Variants in C1QTNF3 observed in about 807,000 individuals in gnomAD.
The protein encoded by C1QTNF3 is complement C1q tumor necrosis factor-related protein 3.
A neutral mutation model predicts 32.6 loss-of-function variants in C1QTNF3; 26 were observed. The ratio of observed to expected loss-of-function variants is 0.80; its 90% CI spans 0.58 to 1.11. The LOEUF (loss-of-function observed/expected upper bound fraction) is 1.11. C1QTNF3 is among the 50% of genes least tolerant of loss of function. The pLI is 0.00. For synonymous variants in C1QTNF3, 155 were observed against 146.0 expected, an observed-to-expected ratio of 1.06 and a Z score of -0.44; for missense variants, 362 against 398.2, an observed-to-expected ratio of 0.91 and a Z score of 0.77.
intron 5 of C1QTNF3, among the ~76,000 whole-genome samples, chr5:34,021,594 G>A (rs866397520): frequency 2.6e-5 from 4 of 152,182 alleles, no homozygotes; most frequent in African/African-American, 7.2e-5. Context: ...AAAAGAATGA[G>A]TTCATGCCCT....
intron 1 of C1QTNF3, among the ~76,000 whole-genome samples, chr5:34,038,781 T>C (rs1754801943): frequency 6.6e-6 from 1 of 152,068 alleles, no homozygotes; most frequent in South Asian, 2.1e-4. Context: ...TCACAGTAAA[T>C]TTCTCTCCCT....
At chr5:34,045,917 G>A (rs910936336), upstream of C1QTNF3, among the ~76,000 whole-genome samples, 11 of 152,112 alleles carry the variant, frequency 7.2e-5, no homozygotes, top group African/African-American at 2.4e-4. Flanking sequence ...CCTAGTACCT[G>A]CAAATATGAC....
At chr5:34,059,219 G>A in the C1QTNF3 span, among the ~76,000 whole-genome samples, 10 of 152,052 alleles carry the variant, frequency 6.6e-5, no homozygotes, top group Non-Finnish European at 8.8e-5. Flanking sequence ...GTTTGCAAAT[G>A]GCCGTCATCT....
the C1QTNF3 span, among the ~76,000 whole-genome samples, chr5:34,078,567 G>C: frequency 0.012 from 1,873 of 151,572 alleles, 24 homozygotes; most frequent in South Asian, 0.029. This position sits in a 1 kb window ranked among gnomAD's most constrained non-coding sequence, Gnocchi z 4.0. Flanking sequence ...CTCCATGATC[G>C]AATCACCTCC....
the C1QTNF3 span, among the ~76,000 whole-genome samples, chr5:34,174,922 T>A: frequency 1.3e-5 from 2 of 150,966 alleles, no homozygotes; most frequent in Admixed American, 6.7e-5. Flanking sequence ...TGATTTTTTT[T>A]GTATTTTCAG....
the C1QTNF3 span, among the ~76,000 whole-genome samples, chr5:34,083,815 T>C: frequency 6.6e-6 from 1 of 151,860 alleles, no homozygotes; most frequent in Admixed American, 6.5e-5. Context: ...TACATGTTTA[T>C]ATATGTGTAT....
At chr5:34,022,350 G>C (rs1378736730) in intron 5 of C1QTNF3, among the ~76,000 whole-genome samples, 2 of 152,144 alleles carry the variant, frequency 1.3e-5, no homozygotes, top group Non-Finnish European at 1.5e-5. Flanking sequence ...AGAGAGCCTC[G>C]AGGAGGCCCT....
chr5:34,027,365 A>C (rs904197890), intron 4 of C1QTNF3, among the ~76,000 whole-genome samples: 3 of 152,154 alleles, frequency 2.0e-5, no homozygotes, highest in African/African-American at 7.2e-5. Flanking sequence ...TATTCCTAAA[A>C]CTTTAGCCTA....
the C1QTNF3 span, among the ~76,000 whole-genome samples, chr5:34,078,626 TTGAGA>T: frequency 6.6e-6 from 1 of 151,516 alleles, no homozygotes; most frequent in Non-Finnish European, 1.5e-5. This position sits in a 1 kb window ranked among gnomAD's most constrained non-coding sequence, Gnocchi z 4.0. Context: ...TGATTACGAT[TTGAGA>T]TAAGATTTGG....
chr5:34,023,817 C>G, intron 5 of C1QTNF3, 92 bp downstream of exon 5: 1 of 905,332 alleles, frequency 1.1e-6, no homozygotes, highest in South Asian at 1.5e-5. Context: ...ATGTCAGGCT[C>G]TATTGACTCC....
chr5:34,195,560 G>T, the C1QTNF3 span, among the ~76,000 whole-genome samples: 1 of 152,220 alleles, frequency 6.6e-6, no homozygotes, highest in Non-Finnish European at 1.5e-5. Flanking sequence ...TCATATGATA[G>T]GCCGGGCGCG....
chr5:34,135,865 T>C, the C1QTNF3 span, among the ~76,000 whole-genome samples: 1 of 145,088 alleles, frequency 6.9e-6, no homozygotes, highest in South Asian at 2.3e-4. Flanking sequence ...TTGACAAACC[T>C]GACAAAAACA....
chr5:34,051,405 G>C, the C1QTNF3 span, among the ~76,000 whole-genome samples: 1 of 152,132 alleles, frequency 6.6e-6, no homozygotes, highest in Non-Finnish European at 1.5e-5. Context: ...AAACATCCTT[G>C]AGGGAAATAA....
chr5:34,236,578 T>C, the C1QTNF3 span, among the ~76,000 whole-genome samples: 16 of 127,480 alleles, frequency 1.3e-4, no homozygotes, highest in African/African-American at 3.4e-4. Context: ...TTCTTTTTTT[T>C]TTTTTTTTTT....
chr5:34,177,262 G>A, the C1QTNF3 span, among the ~76,000 whole-genome samples: 3 of 152,146 alleles, frequency 2.0e-5, no homozygotes, highest in African/African-American at 7.2e-5. Flanking sequence ...ATAGCCACAT[G>A]TAGCTAGTGG....
At chr5:34,202,800 T>C in the C1QTNF3 span, among the ~76,000 whole-genome samples, 2 of 152,174 alleles carry the variant, frequency 1.3e-5, no homozygotes, top group Non-Finnish European at 2.9e-5. Context: ...ATACAGTTTT[T>C]TGTTTTTTTT....
At chr5:34,243,131 A>T in the C1QTNF3 span, among the ~76,000 whole-genome samples, 6 of 152,146 alleles carry the variant, frequency 3.9e-5, no homozygotes, top group Admixed American at 1.3e-4. Context: ...CCCAGAACTT[A>T]AAATTTAAAT....
the C1QTNF3 span, among the ~76,000 whole-genome samples, chr5:34,116,562 T>C: frequency 1.6e-5 from 2 of 126,302 alleles, no homozygotes; most frequent in African/African-American, 6.5e-5. Flanking sequence ...CATTATGCAC[T>C]GTCCCTCCTT....
chr5:34,041,459 C>A (rs766144985), intron 1 of C1QTNF3, among the ~76,000 whole-genome samples: 4 of 152,128 alleles, frequency 2.6e-5, no homozygotes, highest in Admixed American at 2.6e-4. Flanking sequence ...AGGAAAGATA[C>A]CATCTGTTGG....
Sources: allele counts gnomAD v4.1 joint callset (sites outside exome capture counted in the v4.1 genomes callset), GRCh38; gene constraint gnomAD v4.1.1; non-coding constraint Gnocchi (gnomAD v3.1); transcripts MANE v1.5; gene names NCBI Gene and HGNC (gene_info 2026-07-23, HGNC 2026-07-21).